Variants in ABCA3 observed in about 807,000 individuals in gnomAD.
ABCA3 encodes the protein phospholipid-transporting ATPase ABCA3.
In ABCA3, 88 loss-of-function variants were observed where a neutral mutation model predicts 172.8. The ratio of observed to expected loss-of-function variants is 0.51; its 90% confidence interval spans 0.43 to 0.61. ABCA3 has a LOEUF of 0.61. Ranked by LOEUF, ABCA3 falls within the 20% of genes least tolerant of loss-of-function variation. The pLI, the probability that ABCA3 is intolerant of heterozygous loss-of-function variation, is 0.00. For missense variants in ABCA3, 2,164 were observed against 2,301.0 expected, an observed-to-expected ratio of 0.94 and a Z score of 1.22; for synonymous variants, 1,066 against 983.8, an observed-to-expected ratio of 1.08 and a Z score of -1.56.
At chr16:2,304,961 C>A (rs2093695331) in intron 11 of ABCA3, among the ~76,000 whole-genome samples, 1 of 152,004 alleles carries the variant, frequency 6.6e-6, no homozygotes, top group Admixed American at 6.6e-5. Context: ...AGGCGTGAGC[C>A]ACTGCAACCA....
At position 2,284,110 on chromosome 16, in the gene ABCA3, A is replaced by C; in HGVS notation, c.3862+169T>G. ...AGCTCAGGTACAGGGCCTGGGAGCG[A>C]GCGGGCGCGAGGGGGCTGCTGTGGG... On this transcript the variant is annotated intron_variant, in intron 25 of 32. Coordinates refer to ENST00000301732, the MANE Select transcript of ABCA3 (RefSeq NM_001089.3). The surrounding 1 kb of genome is among the most constrained non-coding windows in gnomAD (Gnocchi z 5.9). 1.3e-6 allele frequency: 1 copy of C among 769,092 alleles called. No individual in the cohort carries two copies. Among genetic ancestry groups the C allele is most frequent in the East Asian group, 2.8e-5 (1 of 35,708 alleles). The allele number at this position is 769,092 out of a possible 1,614,324, so 47.6% of individuals were successfully genotyped here.
At chr16:2,314,750 A>G (rs1375311984) in intron 10 of ABCA3, among the ~76,000 whole-genome samples, 1 of 146,466 alleles carries the variant, frequency 6.8e-6, no homozygotes, top group Non-Finnish European at 1.5e-5. Context: ...CTAATTTTGT[A>G]TTTTTAGTAG....
chr16:2,324,433 T>G lies in ABCA3; in HGVS notation c.418A>C (p.Asn140His), dbSNP rs45447801. The G allele has an allele frequency of 6.5e-5, 105 of 1,605,488 alleles. No homozygotes were observed. The African/African-American group carries it at 1.1e-3, about 17-fold the overall frequency. ...AGCGGCAGGGGCTCCTTGCTGTGGT[T>G]GAAGGGGTGCTCGAAGACCACGGCG... ...LAAVVFEHPFNHSKEPLPLAV... is the reference protein window; with the variant it reads ...LAAVVFEHPFHHSKEPLPLAV... Residue 140 changes from asparagine to histidine, a missense_variant, in exon 6 of 33, where the codon AAC (asparagine) becomes CAC (histidine). This residue lies in a region of ABCA3 where 1,343 missense variants were observed against 1,369.6 expected (regional missense o/e 0.98). Transcript: ENST00000301732.
At position 2,284,733 on chromosome 16, in the gene ABCA3, C is replaced by A; in HGVS notation, c.3703+46G>T. ...GTGCCTCCCTGTCTGGGCGGAGTGG[C>A]TCCGTGGATGGCCATGGGGGCTGCG... is the stretch of plus-strand genomic sequence containing the variant. On this transcript the variant is annotated intron_variant, in intron 24 of 32. Transcript: ENST00000301732. The surrounding 1 kb of genome is among the most constrained non-coding windows in gnomAD (Gnocchi z 5.9). 2 of 1,580,802 alleles carry A rather than the reference C, an allele frequency of 1.3e-6. No individual in the cohort carries two copies. Among genetic ancestry groups the A allele is most frequent in the Non-Finnish European group, 1.7e-6 (2 of 1,162,156 alleles).
Position 2,317,306 on chromosome 16 carries a change from A to G in ABCA3, c.1088T>C (p.Met363Thr), listed in dbSNP as rs1226458501. Reference protein sequence around the residue: ...FAISTISFSFMVSTFFSKANM... With the variant: ...FAISTISFSFTVSTFFSKANM... The stretch of plus-strand genomic sequence containing the variant: ...ACCTTTGCTGAAGAAGGTGCTGACC[A>G]TGAAGCTGAAGGAGATGGTAGAGAT... Residue 363 changes from methionine to threonine, a missense_variant, in exon 10 of 33, where the codon ATG becomes ACG. This residue lies in a region of ABCA3 where 1,343 missense variants were observed against 1,369.6 expected (regional missense o/e 0.98). Coordinates refer to ENST00000301732, the MANE Select transcript of ABCA3 (RefSeq NM_001089.3). The G allele has an allele frequency of 1.9e-6, 3 of 1,614,108 alleles. No individual in the cohort carries two copies. The highest frequency in any genetic ancestry group is 1.7e-5 in the Admixed American group (1 of 60,026).
intron 1 of ABCA3, among the ~76,000 whole-genome samples, chr16:2,340,106 G>C (rs973247738): frequency 1.5e-4 from 23 of 152,210 alleles, no homozygotes; most frequent in African/African-American, 4.6e-4. Context: ...GGGCGGCTTT[G>C]CCACCGCGCG....
Position 2,286,228 on chromosome 16 carries a change from G to C in ABCA3, c.3278+466C>G, listed in dbSNP as rs1865813886. Among the ~76,000 whole-genome samples the C allele has an allele frequency of 6.6e-6, 1 of 152,214 alleles. No homozygotes were observed. The highest frequency in any genetic ancestry group is 2.1e-4 in the South Asian group (1 of 4,836). ...TGGTTCCAGGAGCTCTGGGGGCTCT[G>C]TGGCCGGCATAGGGGGTAGCCCTGC... On this transcript the variant is annotated intron_variant, in intron 22 of 32. Coordinates refer to ENST00000301732, the MANE Select transcript of ABCA3 (RefSeq NM_001089.3). The surrounding 1 kb of genome is among the most constrained non-coding windows in gnomAD (Gnocchi z 5.2).
chr16:2,297,847 C>T lies in ABCA3; in HGVS notation c.1971G>A (p.Lys657=), dbSNP rs2093682438. The T allele has an allele frequency of 1.2e-5, 19 of 1,613,850 alleles. No individual in the cohort carries two copies. Among genetic ancestry groups the T allele is most frequent in the African/African-American group, 2.7e-5 (2 of 75,072 alleles). The change falls in exon 16 of 33, where the codon AAG becomes AAA. Residue 657 remains lysine (K), a synonymous_variant. Transcript: ENST00000301732. The surrounding 1 kb of genome is among the most constrained non-coding windows in gnomAD (Gnocchi z 5.6). Reference sequence around the variant, plus strand: ...TCAGGAAGCGGCTCCGTGAGTTCCACTTGTCCTCCAGGCCGATGATGTGCA... The same window carrying T: ...TCAGGAAGCGGCTCCGTGAGTTCCATTTGTCCTCCAGGCCGATGATGTGCA... The part of the protein sequence containing the change: ...QMLHIIGLED[K]WNSRSRFLSG...
chr16:2,314,638 A>G (rs1005331457), intron 10 of ABCA3, among the ~76,000 whole-genome samples: 3 of 151,818 alleles, frequency 2.0e-5, no homozygotes, highest in African/African-American at 4.8e-5. Flanking sequence ...GTGCAGTGGC[A>G]TGATCACGGC....
At chr16:2,330,823 C>T (rs1292468507) in intron 1 of ABCA3, among the ~76,000 whole-genome samples, 11 of 151,796 alleles carry the variant, frequency 7.2e-5, no homozygotes, top group East Asian at 3.9e-4. Context: ...CTCAGCCTCC[C>T]GAGTAGCTGG....
chr16:2,287,299 T>TTTTTTA lies in ABCA3; in HGVS notation c.3005-333_3005-332insTAAAAA, dbSNP rs2093664658. The stretch of plus-strand genomic sequence containing the variant: ...TACCAAGACTCTTTCTTTTTTTTTT[T>TTTTTTA]GAGACAGTCTTGCTCTGTCACCCAG... On this transcript the variant is annotated intron_variant, in intron 21 of 32. Coordinates refer to ENST00000301732, the MANE Select transcript of ABCA3 (RefSeq NM_001089.3). The surrounding 1 kb of genome is among the most constrained non-coding windows in gnomAD (Gnocchi z 4.1). Among the ~76,000 whole-genome samples, 1 of 151,964 alleles carries TTTTTTA rather than the reference T, an allele frequency of 6.6e-6. No individual in the cohort carries two copies.
rs199835654 is a variant in ABCA3 at position 2,297,787 on chromosome 16, G to A, written c.2031C>T (p.Ile677=). ...GGMRRKLSIG[I]ALIAGSKVLI... ...ACACCTTGGAGCCTGCGATGAGGGC[G>A]ATGCCGATGGAGAGCTTGCGCCTCA... The change falls in exon 16 of 33, where the codon ATC becomes ATT. Residue 677 remains isoleucine, a synonymous_variant. Transcript: ENST00000301732. This position sits in a 1 kb window ranked among gnomAD's most constrained non-coding sequence, Gnocchi z 5.6. 1.1e-4 allele frequency: 185 copies of A among 1,612,836 alleles called. 1 individual carries two copies. The East Asian group carries it at 3.5e-3, about 31-fold the overall frequency.
Position 2,279,115 on chromosome 16 carries a change from C to T in ABCA3, c.4375G>A (p.Gly1459Ser), listed in dbSNP as rs772675343. Residue 1459 changes from glycine (G) to serine (S), a missense_variant, in exon 29 of 33, where the codon GGC becomes AGC. Gly to Ser is a moderately conservative substitution (Grantham distance 56). Around this residue, in one of 3 missense-constraint regions of ABCA3, gnomAD observed 795 missense variants for 881.9 expected, o/e 0.90. Coordinates refer to ENST00000301732, the MANE Select transcript of ABCA3 (RefSeq NM_001089.3). This position sits in a 1 kb window ranked among gnomAD's most constrained non-coding sequence, Gnocchi z 4.4. ...AAGGCATCAAACTGCGGGCAGTAGC[C>T]GATCCGCTGCCGCACCTGGGGTCGG... is the stretch of plus-strand genomic sequence containing the variant. ...SDVGKVRQRI[G>S]YCPQFDALLD... 13 of 1,611,472 alleles carry T rather than the reference C, an allele frequency of 8.1e-6. No homozygotes were observed. Among genetic ancestry groups the T allele is most frequent in the Admixed American group, 3.3e-5 (2 of 60,006 alleles).
At chr16:2,322,112 C>T (rs538275322) in intron 7 of ABCA3, among the ~76,000 whole-genome samples, 98 of 151,556 alleles carry the variant, frequency 6.5e-4, no homozygotes, top group Non-Finnish European at 7.2e-4. Flanking sequence ...GCAGGAGAAT[C>T]GCTTGAACCT....
chr16:2,297,700 A>G lies in ABCA3; in HGVS notation c.2052+66T>C. ...TGTCAAGGGCCAAGGTGCCCGGGCC[A>G]TGGCGGAAGGGCCATCCCAGGTCGA... On this transcript the variant is annotated intron_variant, in intron 16 of 32. Transcript: ENST00000301732. The surrounding 1 kb of genome is among the most constrained non-coding windows in gnomAD (Gnocchi z 5.6). The G allele has an allele frequency of 6.2e-7, 1 of 1,601,320 alleles. No homozygotes were observed. The highest frequency in any genetic ancestry group is 2.2e-5 in the East Asian group (1 of 44,822).
At chr16:2,305,950 CTG>C (rs1288315861) in intron 11 of ABCA3, among the ~76,000 whole-genome samples, 2 of 152,174 alleles carry the variant, frequency 1.3e-5, no homozygotes, top group Non-Finnish European at 2.9e-5. Flanking sequence ...TGCTGGGGAT[CTG>C]TGTGTCCAAA....
At chr16:2,321,429 C>A (rs1393240873) in intron 7 of ABCA3, among the ~76,000 whole-genome samples, 1 of 152,246 alleles carries the variant, frequency 6.6e-6, no homozygotes, top group Non-Finnish European at 1.5e-5. Context: ...TCCTGCCTGC[C>A]TGGCACTTGT....
intron 19 of ABCA3, among the ~76,000 whole-genome samples, chr16:2,291,160 CT>C (rs1352569722): frequency 3.3e-5 from 5 of 152,074 alleles, no homozygotes; most frequent in Admixed American, 3.3e-4. Flanking sequence ...AACCCCATCT[CT>C]GTTAAAAATA....
At chr16:2,299,659 G>A (rs2141710134) in intron 13 of ABCA3, 127 bp from the exon 14 acceptor site, 5 of 1,462,002 alleles carry the variant, frequency 3.4e-6, no homozygotes, top group Non-Finnish European at 4.7e-6. Context: ...AGTGTGCAGA[G>A]GGGAGGGACG....
Sources: allele counts gnomAD v4.1 joint callset (sites outside exome capture counted in the v4.1 genomes callset), GRCh38; gene constraint gnomAD v4.1.1; regional missense constraint gnomAD v4.1.1; non-coding constraint Gnocchi (gnomAD v3.1); transcripts MANE v1.5; gene names NCBI Gene and HGNC (gene_info 2026-07-23, HGNC 2026-07-21).